ZNF676: variants seen among roughly 807,000 people sequenced by gnomAD.
The protein encoded by ZNF676 is zinc finger protein 676.
In ZNF676, 4 loss-of-function variants were observed where a neutral mutation model predicts 6.0. The observed-to-expected ratio is 0.67, with a 90% CI of 0.33 to 1.53. The LOEUF (loss-of-function observed/expected upper bound fraction) is 1.53. Ranked by LOEUF, ZNF676 falls within the 40% of genes most tolerant of loss-of-function variation. The probability of loss-of-function intolerance (pLI) is 0.06; values close to 1 mark genes in which losing one functional copy is unlikely to be tolerated. For synonymous variants in ZNF676, 198 were observed against 223.1 expected (o/e 0.89, Z 1.00); for missense variants, 644 against 679.7 (o/e 0.95, Z 0.58).
intron 2 of ZNF676, among the ~76,000 whole-genome samples, chr19:22,184,749 G>A (rs2023808972): frequency 7.1e-6 from 1 of 141,576 alleles, no homozygotes; most frequent in South Asian, 2.4e-4. Context: ...CCAGAAGATT[G>A]AACTGGGTGG....
chr19:22,193,268 A>C (rs1487927396), intron 1 of ZNF676, among the ~76,000 whole-genome samples, 157 bp from the exon 2 acceptor site: 2 of 152,192 alleles, frequency 1.3e-5, no homozygotes, highest in Non-Finnish European at 2.9e-5. Flanking sequence ...CGTTATGTGC[A>C]GTTGCTTAAA....
In ZNF676 at chr19:22,181,134, TCTC is replaced by T. The variant is rs2023741261; in HGVS notation, c.580_582del (p.Glu194del). On this transcript the variant is annotated inframe_deletion, in exon 3 of 3. Coordinates refer to ENST00000397121, the MANE Select transcript of ZNF676 (RefSeq NM_001001411.3). ...CCACATTCTTCACATTTGTAGGGTT[TCTC>T]TCCAGTATGAATACTCTTATAATAA... The T allele has an allele frequency of 6.2e-7, 1 of 1,613,818 alleles. No homozygotes were observed. Among genetic ancestry groups the T allele is most frequent in the Non-Finnish European group, 8.5e-7 (1 of 1,179,978 alleles).
rs115756269 is a variant in ZNF676, at chr19:22,193,885, T to C, written c.35-774A>G. On this transcript the variant is annotated intron_variant, in intron 1 of 2. Transcript: ENST00000397121. ...AATGGAGTGCAAAGCCCATTCACTA[T>C]AGGGCTGTTAGAATTGGTGTTCAGA... Among the ~76,000 whole-genome samples the C allele has an allele frequency of 6.4e-3, 974 of 152,246 alleles. 8 individuals are homozygous for C. The highest frequency in any genetic ancestry group is 0.021 in the African/African-American group (888 of 41,560).
chr19:22,229,338 T>C, the ZNF676 span, among the ~76,000 whole-genome samples: 3 of 152,132 alleles, frequency 2.0e-5, no homozygotes, highest in Admixed American at 2.0e-4. Context: ...TTACACCATA[T>C]ACAAAAATTA....
Position 22,195,491 on chromosome 19 carries a change from T to C in ZNF676, c.34+1109A>G, listed in dbSNP as rs982600125. On this transcript the variant is annotated intron_variant, in intron 1 of 2. Coordinates refer to ENST00000397121, the MANE Select transcript of ZNF676 (RefSeq NM_001001411.3). ...CATGATAATTTTTGCTATTGTTTCC[T>C]TGGTCACACTAATAACTTCTATTGT... Among the ~76,000 whole-genome samples the C allele has an allele frequency of 5.9e-5, 9 of 152,330 alleles. No homozygotes were observed. In the East Asian group the frequency reaches 1.3e-3, roughly 23 times the overall value.
the ZNF676 span, chr19:22,243,502 A>G: frequency 6.6e-6 from 1 of 152,012 alleles, no homozygotes; most frequent in Non-Finnish European, 1.5e-5. Context: ...TGTAGGCAGG[A>G]CCAGGCCAGA....
At position 22,180,291 on chromosome 19, in the gene ZNF676, G is replaced by A; in HGVS notation, c.1426C>T (p.Pro476Ser). 1 of 1,612,630 alleles carries A rather than the reference G, an allele frequency of 6.2e-7. No individual in the cohort carries two copies. The highest frequency in any genetic ancestry group is 2.2e-5 in the East Asian group (1 of 44,854). ...TTGCCACATTCTTCACATTTGTAAG[G>A]TTTCTCTGCAGCATGAATTCTCTTG... ...KHKRIHAAEK[P>S]YKCEECGKGF... The change falls in exon 3 of 3, where the codon CCT becomes TCT. Residue 476 changes from proline (P) to serine (S), a missense_variant. Physicochemically the swap from Pro to Ser is moderately conservative, Grantham distance 74. Around this residue, in one of 5 missense-constraint regions of ZNF676, gnomAD observed 306 missense variants for 265.4 expected, o/e 1.15. Coordinates refer to ENST00000397121, the MANE Select transcript of ZNF676 (RefSeq NM_001001411.3).
intron 2 of ZNF676, among the ~76,000 whole-genome samples, chr19:22,183,731 G>A (rs1568526327): frequency 6.6e-6 from 1 of 152,156 alleles, no homozygotes. Context: ...GTGGCAAGAT[G>A]GAAGTAGACA....
chr19:22,252,101 G>T, the ZNF676 span, among the ~76,000 whole-genome samples: 1 of 152,022 alleles, frequency 6.6e-6, no homozygotes, highest in East Asian at 1.9e-4. Context: ...TAATATTGAT[G>T]CTTTCTCACC....
At chr19:22,212,701 T>C (rs1415426157) in intron 1 of ZNF676, among the ~76,000 whole-genome samples, 2 of 147,730 alleles carry the variant, frequency 1.4e-5, no homozygotes, top group African/African-American at 2.5e-5. Context: ...GAAAACACTG[T>C]CTAAAACAAA....
At chr19:22,220,306 G>A (rs550311230), upstream of ZNF676, among the ~76,000 whole-genome samples, 22 of 152,094 alleles carry the variant, frequency 1.4e-4, no homozygotes, top group Admixed American at 1.2e-3. Flanking sequence ...CATGATCTTG[G>A]TATTAGAGTG....
chr19:22,237,173 G>A, the ZNF676 span, among the ~76,000 whole-genome samples: 1 of 152,150 alleles, frequency 6.6e-6, no homozygotes, highest in African/African-American at 2.4e-5. Context: ...TAAGCCTTTT[G>A]ATTCCTCCCT....
chr19:22,205,056 C>T (rs1462793776), intron 1 of ZNF676, among the ~76,000 whole-genome samples: 2 of 152,040 alleles, frequency 1.3e-5, no homozygotes, highest in African/African-American at 4.8e-5. Flanking sequence ...AACTCTTGGA[C>T]ATCTGAATTT....
At chr19:22,218,094 A>AT (rs550500474), upstream of ZNF676, among the ~76,000 whole-genome samples, 7 of 150,420 alleles carry the variant, frequency 4.7e-5, no homozygotes, top group Non-Finnish European at 5.9e-5. Context: ...GATGTTCAGC[A>AT]TTTTTTTTTA....
upstream of ZNF676, among the ~76,000 whole-genome samples, chr19:22,217,838 G>A (rs1373008983): frequency 6.6e-6 from 1 of 151,930 alleles, no homozygotes; most frequent in Admixed American, 6.6e-5. Flanking sequence ...GGAGTAGCAG[G>A]GATTACGGAC....
chr19:22,181,178 C>T lies in ZNF676; in HGVS notation c.539G>A (p.Trp180Ter). ...KCEENGKAFN[W>*]SSTLTYYKSI... ...CTTATAATAAGTAAGGGTTGAGGAC[C>T]AGTTAAAAGCTTTGCCATTTTCTTC... is the stretch of plus-strand genomic sequence containing the variant. The change falls in exon 3 of 3, where the codon TGG (tryptophan) becomes TAG (stop). Residue 180 changes from tryptophan to a stop codon, truncating the protein, a stop_gained. Coordinates refer to ENST00000397121, the MANE Select transcript of ZNF676 (RefSeq NM_001001411.3). LOFTEE classifies it low-confidence loss of function (END_TRUNC). 6.2e-7 allele frequency: 1 copy of T among 1,613,854 alleles called. No homozygotes were observed.
chr19:22,234,189 C>G, the ZNF676 span, among the ~76,000 whole-genome samples: 1 of 152,206 alleles, frequency 6.6e-6, no homozygotes, highest in Admixed American at 6.5e-5. Flanking sequence ...TGTAGCGCCA[C>G]AGCTGGGTCC....
At chr19:22,250,024 A>C in the ZNF676 span, among the ~76,000 whole-genome samples, 3 of 151,984 alleles carry the variant, frequency 2.0e-5, no homozygotes, top group Admixed American at 6.6e-5. Context: ...TCTACTAAAA[A>C]TACAAAAATT....
chr19:22,217,037 TGTA>T (rs1345742406), upstream of ZNF676, among the ~76,000 whole-genome samples: 1 of 151,946 alleles, frequency 6.6e-6, no homozygotes, highest in Non-Finnish European at 1.5e-5. Context: ...TTGGGGTACA[TGTA>T]GTATTTGGTT....
Sources: allele counts gnomAD v4.1 joint callset (sites outside exome capture counted in the v4.1 genomes callset), GRCh38; gene constraint gnomAD v4.1.1; regional missense constraint gnomAD v4.1.1; transcripts MANE v1.5; gene names NCBI Gene and HGNC (gene_info 2026-07-23, HGNC 2026-07-21).